The following GRM7 variants were observed in gnomAD, a reference collection of about 807,000 sequenced individuals.
The protein encoded by GRM7 is glutamate metabotropic receptor 7.
Under a neutral mutation model 84.5 loss-of-function variants are expected in GRM7, and 35 were observed. That is an observed-to-expected ratio of 0.41 (90% CI 0.32 to 0.55). The LOEUF is 0.55. Ranked by LOEUF, GRM7 falls within the 20% of genes least tolerant of loss-of-function variation. The pLI is 0.19. For missense variants in GRM7, 1,003 were observed against 1,194.6 expected, an observed-to-expected ratio of 0.84 and a Z score of 2.36; for synonymous variants, 487 against 455.1, an observed-to-expected ratio of 1.07 and a Z score of -0.89.
intron 7 of GRM7, among the ~76,000 whole-genome samples, chr3:7,568,555 C>T (rs1266859792): frequency 6.6e-6 from 1 of 152,210 alleles, no homozygotes; most frequent in Non-Finnish European, 1.5e-5. Context: ...CTGGGCTGGC[C>T]AAGGCCGGAG....
chr3:7,407,999 C>G (rs111625664), intron 4 of GRM7, among the ~76,000 whole-genome samples: 452 of 152,250 alleles, frequency 3.0e-3, no homozygotes, highest in African/African-American at 9.7e-3. Context: ...ATTAGCACAT[C>G]CGATAGTTAG....
chr3:7,286,399 T>C (rs1241278808), intron 2 of GRM7, among the ~76,000 whole-genome samples: 1 of 152,204 alleles, frequency 6.6e-6, no homozygotes, highest in Non-Finnish European at 1.5e-5. Context: ...TCTCACATTC[T>C]TTTCTTGTGG....
intron 2 of GRM7, among the ~76,000 whole-genome samples, chr3:7,211,095 CTTG>C (rs1696409811): frequency 6.6e-6 from 1 of 152,172 alleles, no homozygotes; most frequent in Non-Finnish European, 1.5e-5. Context: ...GTTCAGACCT[CTTG>C]ACAGTATGAT....
At chr3:7,130,968 C>T (rs79720950) in intron 1 of GRM7, among the ~76,000 whole-genome samples, 15,703 of 152,208 alleles carry the variant, frequency 0.1, 1,121 homozygotes, top group Non-Finnish European at 0.16. Context: ...CACGCACACA[C>T]GTGCGCAAGG....
intron 8 of GRM7, among the ~76,000 whole-genome samples, chr3:7,667,657 T>C (rs942379383): frequency 6.6e-6 from 1 of 152,142 alleles, no homozygotes; most frequent in African/African-American, 2.4e-5. Flanking sequence ...TCCTAGATAT[T>C]ATGGAGAGAT....
At chr3:7,703,156 T>C (rs1226498620) in intron 9 of GRM7, among the ~76,000 whole-genome samples, 1 of 152,128 alleles carries the variant, frequency 6.6e-6, no homozygotes, top group Non-Finnish European at 1.5e-5. Flanking sequence ...CTGAGAAGCA[T>C]TGCTGCAATG....
chr3:7,202,044 C>G (rs1332531471), intron 2 of GRM7, among the ~76,000 whole-genome samples: 1 of 151,496 alleles, frequency 6.6e-6, no homozygotes, highest in Non-Finnish European at 1.5e-5. Context: ...TCATTTTTAT[C>G]CTTCTATTAG....
intron 2 of GRM7, among the ~76,000 whole-genome samples, chr3:7,277,543 A>G (rs1362559885): frequency 6.6e-6 from 1 of 152,064 alleles, no homozygotes; most frequent in Non-Finnish European, 1.5e-5. Context: ...TGTGCAGTAT[A>G]CCCACGTTTT....
intron 2 of GRM7, among the ~76,000 whole-genome samples, chr3:7,205,384 CA>C (rs1696201122): frequency 6.6e-6 from 1 of 152,172 alleles, no homozygotes; most frequent in Non-Finnish European, 1.5e-5. Flanking sequence ...TTGTTTATTT[CA>C]ACTCAGTCAA....
At chr3:6,999,742 T>G (rs1694945570) in intron 1 of GRM7, among the ~76,000 whole-genome samples, 1 of 152,180 alleles carries the variant, frequency 6.6e-6, no homozygotes, top group East Asian at 1.9e-4. Context: ...GAAAAGCCCC[T>G]TATAAAACCA....
chr3:7,423,062 C>A (rs1260302269), intron 5 of GRM7, among the ~76,000 whole-genome samples: 2 of 152,036 alleles, frequency 1.3e-5, no homozygotes, highest in African/African-American at 2.4e-5. Context: ...ATGGACCCTG[C>A]AGTAAATAAA....
At chr3:7,738,714 C>T (rs1248262238) in intron 9 of GRM7, among the ~76,000 whole-genome samples, 1 of 147,556 alleles carries the variant, frequency 6.8e-6, no homozygotes, top group Non-Finnish European at 1.5e-5. Flanking sequence ...GTACAAGCTT[C>T]TGGGTTTTCT....
chr3:7,285,828 A>AT (rs147995096), intron 2 of GRM7, among the ~76,000 whole-genome samples: 1 of 151,908 alleles, frequency 6.6e-6, no homozygotes, highest in Non-Finnish European at 1.5e-5. Flanking sequence ...TTTATTTATG[A>AT]TTTTTTTCCT....
At chr3:7,049,737 T>C (rs1236056172) in intron 1 of GRM7, among the ~76,000 whole-genome samples, 1 of 151,948 alleles carries the variant, frequency 6.6e-6, no homozygotes, top group Non-Finnish European at 1.5e-5. Context: ...GATCAATTTA[T>C]GTTTTCAGAA....
chr3:7,704,424 A>C (rs377385741), intron 9 of GRM7, among the ~76,000 whole-genome samples: 1 of 152,160 alleles, frequency 6.6e-6, no homozygotes, highest in African/African-American at 2.4e-5. Context: ...TGAATGATAA[A>C]AAGTTTGAGA....
chr3:6,993,600 T>C (rs900246632), intron 1 of GRM7, among the ~76,000 whole-genome samples: 10 of 152,134 alleles, frequency 6.6e-5, no homozygotes, highest in African/African-American at 2.4e-4. Context: ...GAAAAGCATA[T>C]TGAAACAACT....
chr3:7,401,636 C>T (rs1440137576), intron 4 of GRM7, among the ~76,000 whole-genome samples: 2 of 152,098 alleles, frequency 1.3e-5, no homozygotes, highest in Non-Finnish European at 2.9e-5. Context: ...TTAAACATTT[C>T]CAAATATACT....
intron 4 of GRM7, among the ~76,000 whole-genome samples, chr3:7,410,551 G>A (rs1695881705): frequency 1.3e-5 from 2 of 150,634 alleles, no homozygotes; most frequent in South Asian, 4.2e-4. Context: ...CCAGCCTGGG[G>A]ACAGAGAAAG....
intron 8 of GRM7, among the ~76,000 whole-genome samples, chr3:7,602,836 T>G (rs376217057): frequency 4.6e-5 from 7 of 152,172 alleles, no homozygotes; most frequent in African/African-American, 1.7e-4. Flanking sequence ...CAGGAGATTC[T>G]GCCATCACTA....
Sources: gnomAD v4.1 joint callset for allele counts (sites outside exome capture counted in the v4.1 genomes callset) on GRCh38, gnomAD v4.1.1 for gene constraint, MANE v1.5 for transcripts, NCBI Gene and HGNC (gene_info 2026-07-23, HGNC 2026-07-21) for gene names.